Variants in PPM1H observed in about 807,000 individuals in gnomAD.
The protein encoded by PPM1H is protein phosphatase 1H.
A neutral mutation model predicts 54.9 loss-of-function variants in PPM1H; 27 were observed. The ratio of observed to expected loss-of-function variants is 0.49; its 90% CI spans 0.36 to 0.68. The LOEUF (loss-of-function observed/expected upper bound fraction) is 0.68, where lower values mean the gene tolerates loss of function less well. Ranked by LOEUF, PPM1H falls within the 30% of genes least tolerant of loss-of-function variation. The probability of loss-of-function intolerance (pLI) is 0.00; values close to 1 mark genes in which losing one functional copy is unlikely to be tolerated. For synonymous variants in PPM1H, 305 were observed against 270.8 expected (o/e 1.13, Z -1.24); for missense variants, 596 against 667.8 (o/e 0.89, Z 1.19).
intron 1 of PPM1H, among the ~76,000 whole-genome samples, chr12:62,898,524 T>C (rs1200760839): frequency 6.6e-6 from 1 of 152,198 alleles, no homozygotes; most frequent in African/African-American, 2.4e-5. Context: ...TTAGGGTGGT[T>C]TTCAAAACAG....
At chr12:62,916,078 C>G (rs1361088654) in intron 1 of PPM1H, among the ~76,000 whole-genome samples, 1 of 152,182 alleles carries the variant, frequency 6.6e-6, no homozygotes, top group Non-Finnish European at 1.5e-5. Flanking sequence ...ATCACAGTAG[C>G]TTATTATATT....
chr12:62,657,092 C>A (rs1251474699), intron 9 of PPM1H, among the ~76,000 whole-genome samples: 1 of 152,078 alleles, frequency 6.6e-6, no homozygotes, highest in Non-Finnish European at 1.5e-5. Context: ...AGAATAACGA[C>A]AACTGTTGTC....
At chr12:62,709,720 T>C (rs1443093063) in intron 6 of PPM1H, among the ~76,000 whole-genome samples, 1 of 152,156 alleles carries the variant, frequency 6.6e-6, no homozygotes, top group East Asian at 1.9e-4. Flanking sequence ...CAGATCTACT[T>C]CCCCCACTGT....
intron 8 of PPM1H, among the ~76,000 whole-genome samples, chr12:62,688,262 A>T (rs2076064736): frequency 6.6e-6 from 1 of 152,112 alleles, no homozygotes; most frequent in Non-Finnish European, 1.5e-5. Flanking sequence ...GCTTGGACCT[A>T]CTGCCACCAC....
intron 2 of PPM1H, among the ~76,000 whole-genome samples, chr12:62,827,171 T>C (rs892383286): frequency 6.6e-6 from 1 of 152,198 alleles, no homozygotes; most frequent in Non-Finnish European, 1.5e-5. Flanking sequence ...CCTGGAAAGG[T>C]AGAATCAGAA....
chr12:62,852,577 G>C (rs1869236691), intron 1 of PPM1H, among the ~76,000 whole-genome samples: 1 of 152,218 alleles, frequency 6.6e-6, no homozygotes, highest in South Asian at 2.1e-4. Context: ...CCATCATGTA[G>C]AGGAATTGAT....
chr12:62,772,245 A>G (rs538302320), intron 4 of PPM1H, among the ~76,000 whole-genome samples: 65 of 152,246 alleles, frequency 4.3e-4, no homozygotes, highest in African/African-American at 1.5e-3. Flanking sequence ...GGAGGCTATT[A>G]TTATTTTATT....
At chr12:62,782,251 T>C (rs1461870065) in intron 4 of PPM1H, among the ~76,000 whole-genome samples, 1 of 152,222 alleles carries the variant, frequency 6.6e-6, no homozygotes. Context: ...AAGAAATGAA[T>C]AGTTCTTTGC....
chr12:62,882,982 A>T (rs1030689839), intron 1 of PPM1H, among the ~76,000 whole-genome samples: 36 of 151,958 alleles, frequency 2.4e-4, no homozygotes, highest in African/African-American at 8.0e-4. Flanking sequence ...CAGCCTAAAT[A>T]GCTCTCCTGT....
chr12:62,703,246 G>A (rs557148448), intron 6 of PPM1H, among the ~76,000 whole-genome samples: 13 of 152,090 alleles, frequency 8.5e-5, no homozygotes, highest in South Asian at 4.1e-4. Flanking sequence ...GAGCATACCC[G>A]TGCAACTTTA....
At chr12:62,739,931 C>A (rs2076372395) in intron 4 of PPM1H, among the ~76,000 whole-genome samples, 1 of 152,188 alleles carries the variant, frequency 6.6e-6, no homozygotes, top group Non-Finnish European at 1.5e-5. Context: ...CTCTTCCTGA[C>A]CGGAGCTCCT....
intron 1 of PPM1H, among the ~76,000 whole-genome samples, chr12:62,833,376 CA>C (rs1490344157): frequency 6.6e-6 from 1 of 152,128 alleles, no homozygotes; most frequent in Non-Finnish European, 1.5e-5. Flanking sequence ...TTTCATTCTA[CA>C]ATAATTATAG....
intron 3 of PPM1H, among the ~76,000 whole-genome samples, chr12:62,793,151 C>A (rs1357660357): frequency 1.3e-5 from 2 of 152,184 alleles, no homozygotes; most frequent in East Asian, 3.9e-4. Context: ...AACTGATTAG[C>A]AAAACACATG....
intron 3 of PPM1H, among the ~76,000 whole-genome samples, chr12:62,794,566 G>T (rs1043199393): frequency 1.3e-5 from 2 of 152,140 alleles, no homozygotes; most frequent in African/African-American, 4.8e-5. Context: ...AAAGGAAATA[G>T]AACTCTGAGA....
chr12:62,859,180 G>A (rs1869506835), intron 1 of PPM1H, among the ~76,000 whole-genome samples: 1 of 152,184 alleles, frequency 6.6e-6, no homozygotes, highest in Admixed American at 6.5e-5. Flanking sequence ...TAAGGTGGCT[G>A]TATTAGGAAA....
At chr12:62,902,225 G>T (rs973248358) in intron 1 of PPM1H, among the ~76,000 whole-genome samples, 1 of 151,874 alleles carries the variant, frequency 6.6e-6, no homozygotes, top group Non-Finnish European at 1.5e-5. Context: ...GCCGGTCGTG[G>T]TGGTGGGCAT....
intron 8 of PPM1H, among the ~76,000 whole-genome samples, chr12:62,674,732 T>G (rs901921877): frequency 3.9e-5 from 6 of 152,240 alleles, no homozygotes; most frequent in African/African-American, 1.4e-4. Flanking sequence ...ATTCCTTGGA[T>G]GGACGAGCTG....
chr12:62,678,834 G>A (rs1312435656), intron 8 of PPM1H, among the ~76,000 whole-genome samples: 1 of 152,112 alleles, frequency 6.6e-6, no homozygotes, highest in African/African-American at 2.4e-5. Flanking sequence ...GGGATTACAG[G>A]CATGCACCAC....
intron 1 of PPM1H, among the ~76,000 whole-genome samples, chr12:62,836,776 C>T (rs905774540): frequency 5.3e-5 from 8 of 152,122 alleles, no homozygotes; most frequent in Non-Finnish European, 1.0e-4. Flanking sequence ...AAAGTTTATA[C>T]CCAGTTTATT....
Sources: allele counts gnomAD v4.1 joint callset (sites outside exome capture counted in the v4.1 genomes callset), GRCh38; gene constraint gnomAD v4.1.1; transcripts MANE v1.5; gene names NCBI Gene and HGNC (gene_info 2026-07-23, HGNC 2026-07-21).